The following CHST11 variants were observed in gnomAD, a reference collection of about 807,000 sequenced individuals.
CHST11 encodes C4S-1.
Under a neutral mutation model 30.4 loss-of-function variants are expected in CHST11, and 9 were observed. The observed-to-expected ratio is 0.30, with a 90% CI of 0.18 to 0.52. CHST11 has a LOEUF of 0.52. CHST11 is among the 20% of genes least tolerant of loss of function. The pLI is 0.97. For synonymous variants in CHST11, 152 were observed against 187.8 expected, an observed-to-expected ratio of 0.81 and a Z score of 1.56; for missense variants, 348 against 460.6, an observed-to-expected ratio of 0.76 and a Z score of 2.24.
At chr12:104,463,511 A>G (rs778902600) in intron 1 of CHST11, among the ~76,000 whole-genome samples, 23 of 151,778 alleles carry the variant, frequency 1.5e-4, no homozygotes, top group Non-Finnish European at 2.6e-4. Flanking sequence ...CCTTTCTTCT[A>G]CTCTGTGCCA....
intron 1 of CHST11, among the ~76,000 whole-genome samples, chr12:104,593,379 G>T (rs904757409): frequency 3.9e-5 from 6 of 152,184 alleles, no homozygotes; most frequent in African/African-American, 1.4e-4. Context: ...GGGAGGGACT[G>T]GGTGAGGGAA....
At position 104,517,833 on chromosome 12, in the gene CHST11, C is replaced by T. The variant is rs564963731; in HGVS notation, c.118+60304C>T. Among the ~76,000 whole-genome samples, 5 of 152,308 alleles carry T rather than the reference C, an allele frequency of 3.3e-5. No individual in the cohort carries two copies. The South Asian group carries it at 6.2e-4, about 19-fold the overall frequency. ...TTAAGCTGACTCCTGATGAGCTTGG[C>T]GAAATGAAGCCAGACATTTTATAAT... On this transcript the variant is annotated intron_variant, in intron 1 of 2. Coordinates refer to ENST00000303694, the MANE Select transcript of CHST11 (RefSeq NM_018413.6).
intron 2 of CHST11, among the ~76,000 whole-genome samples, chr12:104,739,600 C>T (rs2040330015): frequency 1.3e-5 from 2 of 152,272 alleles, no homozygotes; most frequent in Admixed American, 1.3e-4. Context: ...CTCTGCTGCC[C>T]CTTGATGGAA....
intron 2 of CHST11, among the ~76,000 whole-genome samples, chr12:104,617,717 A>T (rs1456588155): frequency 6.6e-6 from 1 of 152,184 alleles, no homozygotes; most frequent in Non-Finnish European, 1.5e-5. Context: ...TCAAATTTAT[A>T]CTTACTGGCA....
chr12:104,716,126 G>A (rs2040129187), intron 2 of CHST11, among the ~76,000 whole-genome samples: 1 of 152,166 alleles, frequency 6.6e-6, no homozygotes, highest in Non-Finnish European at 1.5e-5. Context: ...GGTGCCAAGG[G>A]CTCTGTCATA....
chr12:104,487,884 CT>C lies in CHST11; in HGVS notation c.118+30357del, dbSNP rs548492054. Among the ~76,000 whole-genome samples the C allele has an allele frequency of 2.1e-4, 32 of 151,386 alleles. No homozygotes were observed. In the East Asian group the frequency reaches 4.8e-3, roughly 23 times the overall value. On this transcript the variant is annotated intron_variant, in intron 1 of 2. Coordinates refer to ENST00000303694, the MANE Select transcript of CHST11 (RefSeq NM_018413.6). ...ATTTTTTTTTCACAAGGAGATACCA[CT>C]TCGTACATCTATTAGAAGATTTATT...
At chr12:104,617,109 A>G (rs1022576859) in intron 2 of CHST11, among the ~76,000 whole-genome samples, 13 of 152,148 alleles carry the variant, frequency 8.5e-5, no homozygotes, top group African/African-American at 1.2e-4. Context: ...ATAATTTCAT[A>G]TGACTCAACC....
At chr12:104,512,739 A>G (rs1224920359) in intron 1 of CHST11, among the ~76,000 whole-genome samples, 1 of 152,212 alleles carries the variant, frequency 6.6e-6, no homozygotes, top group Non-Finnish European at 1.5e-5. Context: ...TGGTAGGACC[A>G]GTGAAGAGGT....
intron 1 of CHST11, among the ~76,000 whole-genome samples, chr12:104,550,150 G>C (rs1190588920): frequency 6.6e-6 from 1 of 152,176 alleles, no homozygotes; most frequent in East Asian, 1.9e-4. Context: ...GGTTGGAGGC[G>C]ACCGTTCTTT....
chr12:104,631,033 G>A (rs1173261622), intron 2 of CHST11, among the ~76,000 whole-genome samples: 3 of 152,162 alleles, frequency 2.0e-5, no homozygotes, highest in Non-Finnish European at 2.9e-5. Flanking sequence ...GAGGAGGCCC[G>A]CCTGGGAATT....
chr12:104,658,562 G>A (rs112391261), intron 2 of CHST11, among the ~76,000 whole-genome samples: 41 of 152,310 alleles, frequency 2.7e-4, no homozygotes, highest in African/African-American at 9.4e-4. Context: ...TCATGACAGC[G>A]TGTACCTTAC....
intron 2 of CHST11, among the ~76,000 whole-genome samples, chr12:104,608,514 C>T (rs2039028191): frequency 6.6e-6 from 1 of 152,170 alleles, no homozygotes; most frequent in Admixed American, 6.5e-5. Flanking sequence ...CCTTTGTCTA[C>T]TTGCAGTCAG....
intron 2 of CHST11, among the ~76,000 whole-genome samples, chr12:104,734,189 C>G (rs2040280131): frequency 6.6e-6 from 1 of 152,260 alleles, no homozygotes; most frequent in South Asian, 2.1e-4. Flanking sequence ...CCATGCTTCT[C>G]TGCAGAAGTG....
intron 2 of CHST11, among the ~76,000 whole-genome samples, chr12:104,756,331 G>C (rs768274301): frequency 1.3e-5 from 2 of 152,146 alleles, no homozygotes; most frequent in Non-Finnish European, 2.9e-5. Flanking sequence ...TTTGGACTGG[G>C]AGTGAATGGC....
intron 1 of CHST11, among the ~76,000 whole-genome samples, chr12:104,546,657 A>AT (rs1485881668): frequency 4.0e-5 from 6 of 151,562 alleles, no homozygotes; most frequent in African/African-American, 9.7e-5. Flanking sequence ...GCACCTGGCG[A>AT]TTTTTTTTTC....
intron 1 of CHST11, among the ~76,000 whole-genome samples, chr12:104,529,781 C>A (rs1365533550): frequency 6.6e-6 from 1 of 152,196 alleles, no homozygotes; most frequent in Non-Finnish European, 1.5e-5. Context: ...TCTCATCTCA[C>A]TGGCCAAAGC....
intron 2 of CHST11, among the ~76,000 whole-genome samples, chr12:104,735,050 A>G (rs537657295): frequency 1.3e-5 from 2 of 152,316 alleles, no homozygotes; most frequent in East Asian, 3.9e-4. Context: ...TGCTCAACAC[A>G]GGGGATTCCA....
chr12:104,716,989 C>G (rs966526287), intron 2 of CHST11, among the ~76,000 whole-genome samples: 8 of 152,178 alleles, frequency 5.3e-5, no homozygotes, highest in African/African-American at 1.2e-4. Flanking sequence ...TCCTCAGAGC[C>G]GGCAATGGCC....
chr12:104,572,808 G>A (rs1214983243), intron 1 of CHST11, among the ~76,000 whole-genome samples: 1 of 152,058 alleles, frequency 6.6e-6, no homozygotes, highest in African/African-American at 2.4e-5. Context: ...GTGATGTTAG[G>A]GTGTCAGTTT....
Sources: gnomAD v4.1 joint callset for allele counts (sites outside exome capture counted in the v4.1 genomes callset) on GRCh38, gnomAD v4.1.1 for gene constraint, MANE v1.5 for transcripts, NCBI Gene and HGNC (gene_info 2026-07-23, HGNC 2026-07-21) for gene names.